The following LRRCC1 variants were observed in gnomAD, a reference collection of about 807,000 sequenced individuals.
LRRCC1 encodes the protein leucine-rich repeat and coiled-coil domain-containing protein 1.
In LRRCC1, 115 loss-of-function variants were observed where a neutral mutation model predicts 126.0. That is an observed-to-expected ratio of 0.91 (90% CI 0.78 to 1.07). The LOEUF is 1.07. Among genes scored for constraint, LRRCC1 ranks in the 50% least tolerant of loss-of-function variants. The pLI is 0.00. For synonymous variants in LRRCC1, 400 were observed against 393.4 expected (o/e 1.02, Z -0.20); for missense variants, 1,172 against 1,175.7 (o/e 1.00, Z 0.05).
At chr8:85,137,750 T>C (rs901332802) in intron 15 of LRRCC1, 123 bp downstream of exon 15, 5 of 663,862 alleles carry the variant, frequency 7.5e-6, no homozygotes, top group Non-Finnish European at 1.2e-5. Flanking sequence ...GTAGATATCA[T>C]GCATTTCTTT....
At chr8:85,143,925 A>G (rs576966849) in intron 18 of LRRCC1, among the ~76,000 whole-genome samples, 1 of 152,316 alleles carries the variant, frequency 6.6e-6, no homozygotes, top group South Asian at 2.1e-4. Flanking sequence ...ATTGGGAGAA[A>G]TATTAGTTTT....
At chr8:85,135,707 T>A in intron 13 of LRRCC1, 82 bp from the exon 14 acceptor site, 1 of 926,224 alleles carries the variant, frequency 1.1e-6, no homozygotes, top group Non-Finnish European at 1.4e-6. Context: ...TAAATAACAT[T>A]TTTTCTCATT....
intron 8 of LRRCC1, among the ~76,000 whole-genome samples, chr8:85,125,182 A>G (rs1809877797): frequency 6.6e-6 from 1 of 152,200 alleles, no homozygotes; most frequent in Admixed American, 6.5e-5. Flanking sequence ...GGAGGAAGAA[A>G]CAGTTATGAA....
chr8:85,142,062 A>T (rs559116033), intron 18 of LRRCC1, among the ~76,000 whole-genome samples: 1 of 152,102 alleles, frequency 6.6e-6, no homozygotes, highest in Admixed American at 6.6e-5. Context: ...TTGGGAGGCC[A>T]AGGCGGGTGG....
At chr8:85,134,675 C>T (rs987215982) in intron 12 of LRRCC1, among the ~76,000 whole-genome samples, 172 bp from the exon 13 acceptor site, 2 of 152,088 alleles carry the variant, frequency 1.3e-5, no homozygotes, top group African/African-American at 4.8e-5. Context: ...TCACTTTAGG[C>T]AAATATATAA....
At chr8:85,128,719 C>T (rs1440098195) in intron 9 of LRRCC1, among the ~76,000 whole-genome samples, 1 of 152,034 alleles carries the variant, frequency 6.6e-6, no homozygotes, top group African/African-American at 2.4e-5. Flanking sequence ...ATTCTTCTTC[C>T]TTATTTTATA....
chr8:85,109,054 A>G (rs1454377149), intron 1 of LRRCC1: 3 of 152,536 alleles, frequency 2.0e-5, no homozygotes, highest in African/African-American at 4.8e-5. Flanking sequence ...AAATAAAGTT[A>G]TAATCTCCAG....
At chr8:85,115,025 TA>T in intron 4 of LRRCC1, 74 bp from the exon 5 acceptor site, 1 of 1,187,408 alleles carries the variant, frequency 8.4e-7, no homozygotes, top group Non-Finnish European at 1.2e-6. Context: ...TGGTAGCTGA[TA>T]AATTTAGTTT....
chr8:85,126,420 T>C (rs545688249), intron 8 of LRRCC1, among the ~76,000 whole-genome samples: 1 of 152,106 alleles, frequency 6.6e-6, no homozygotes, highest in African/African-American at 2.4e-5. Flanking sequence ...CAGCCAAGCT[T>C]GGTGGCACAT....
intron 17 of LRRCC1, among the ~76,000 whole-genome samples, chr8:85,138,941 G>T (rs1811061399): frequency 6.6e-6 from 1 of 152,070 alleles, no homozygotes; most frequent in Non-Finnish European, 1.5e-5. Context: ...AGCTACTCAG[G>T]AGGCTGAGGC....
At chr8:85,129,662 G>A (rs1253429362) in intron 10 of LRRCC1, among the ~76,000 whole-genome samples, 1 of 152,156 alleles carries the variant, frequency 6.6e-6, no homozygotes, top group Non-Finnish European at 1.5e-5. Flanking sequence ...TCAGGTGATT[G>A]AAGGAATTTC....
intron 6 of LRRCC1, among the ~76,000 whole-genome samples, chr8:85,117,246 G>A (rs1158093229): frequency 1.3e-5 from 2 of 152,098 alleles, no homozygotes; most frequent in Admixed American, 1.3e-4. Flanking sequence ...CAAGATAGTT[G>A]AGCTCCAAAT....
chr8:85,131,550 T>C (rs1443670029), intron 11 of LRRCC1, among the ~76,000 whole-genome samples: 1 of 152,210 alleles, frequency 6.6e-6, no homozygotes, highest in Non-Finnish European at 1.5e-5. Context: ...TTTGACATAC[T>C]TCCCTTATCT....
rs562376079 is a variant in LRRCC1, at chr8:85,137,898, G to T, written c.2494-137G>T. On this transcript the variant is annotated intron_variant, in intron 15 of 18. Coordinates refer to ENST00000360375, the MANE Select transcript of LRRCC1 (RefSeq NM_033402.5). ...CTGGAAATACCCAATGTCAATTAAG[G>T]GTTAGGAGTCACAAGAAAATGAACA... is the stretch of plus-strand genomic sequence containing the variant. 1.1e-5 allele frequency: 6 copies of T among 570,534 alleles called. No homozygotes were observed. In the Admixed American group the frequency reaches 1.8e-4, roughly 17 times the overall value. The allele number at this position is 570,534 out of a possible 1,614,324, so 35.3% of individuals were successfully genotyped here.
chr8:85,139,000 C>T (rs1811064513), intron 17 of LRRCC1, among the ~76,000 whole-genome samples: 1 of 151,784 alleles, frequency 6.6e-6, no homozygotes, highest in Non-Finnish European at 1.5e-5. Flanking sequence ...GAGCTGAGAT[C>T]ACACCATTGC....
At position 85,110,129 on chromosome 8, in the gene LRRCC1, A is replaced by G; in HGVS notation, c.325A>G (p.Ile109Val). Residue 109 changes from isoleucine to valine, a missense_variant, in exon 3 of 19, where the codon ATT becomes GTT. Physicochemically the swap from Ile to Val is conservative, Grantham distance 29. Coordinates refer to ENST00000360375, the MANE Select transcript of LRRCC1 (RefSeq NM_033402.5). The part of the protein sequence containing the change: ...ITKVEGLEEL[I>V]NLTRLNVSYN... ...TTTTTTTTTAGGACTTGAAGAACTA[A>G]TTAATCTGACTAGACTAAATGTATC... is the stretch of plus-strand genomic sequence containing the variant. The G allele has an allele frequency of 1.5e-6, 2 of 1,293,940 alleles. No individual in the cohort carries two copies. Among genetic ancestry groups the G allele is most frequent in the Admixed American group, 2.3e-5 (1 of 43,164 alleles). 80.2% of individuals were successfully genotyped at this position (1,293,940 alleles called of 1,614,324 possible). A position where few individuals can be genotyped will look rare whatever the true frequency, so the allele number is the denominator to read the frequency against.
chr8:85,119,109 GAAA>G (rs969878930), intron 6 of LRRCC1, among the ~76,000 whole-genome samples: 7 of 147,614 alleles, frequency 4.7e-5, no homozygotes, highest in Non-Finnish European at 1.5e-5. Flanking sequence ...TGAATTTCTT[GAAA>G]AAAAAAATCA....
intron 3 of LRRCC1, among the ~76,000 whole-genome samples, chr8:85,111,053 T>G (rs1429752941): frequency 1.3e-5 from 2 of 152,230 alleles, no homozygotes; most frequent in Admixed American, 6.5e-5. Context: ...TTAAAACCTT[T>G]TTTCCTCTTA....
intron 1 of LRRCC1, among the ~76,000 whole-genome samples, chr8:85,108,359 C>G (rs1021993314): frequency 6.6e-6 from 1 of 152,154 alleles, no homozygotes; most frequent in African/African-American, 2.4e-5. Context: ...ATCAGTAATC[C>G]TCACAGCAAT....
Sources: gnomAD v4.1 joint callset for allele counts (sites outside exome capture counted in the v4.1 genomes callset) on GRCh38, gnomAD v4.1.1 for gene constraint, MANE v1.5 for transcripts, NCBI Gene and HGNC (gene_info 2026-07-23, HGNC 2026-07-21) for gene names.